Variants in NAALADL2 observed in about 807,000 individuals in gnomAD.
NAALADL2 encodes inactive N-acetylated-alpha-linked acidic dipeptidase-like protein 2.
In NAALADL2, 76 loss-of-function variants were observed where a neutral mutation model predicts 87.2. The ratio of observed to expected loss-of-function variants is 0.87; its 90% CI spans 0.72 to 1.05. The LOEUF is 1.05. NAALADL2 is among the 50% of genes least tolerant of loss of function. The pLI is 0.00. For synonymous variants in NAALADL2, 354 were observed against 331.0 expected, an observed-to-expected ratio of 1.07 and a Z score of -0.75; for missense variants, 1,089 against 945.8, an observed-to-expected ratio of 1.15 and a Z score of -1.99.
At chr3:175,442,034 C>T (rs886934217) in intron 5 of NAALADL2, among the ~76,000 whole-genome samples, 1 of 152,122 alleles carries the variant, frequency 6.6e-6, no homozygotes, top group African/African-American at 2.4e-5. Flanking sequence ...TTCCGCCTCC[C>T]AGATTCAAGC....
chr3:175,555,901 A>C (rs1291553611), intron 9 of NAALADL2, among the ~76,000 whole-genome samples: 1 of 152,142 alleles, frequency 6.6e-6, no homozygotes, highest in African/African-American at 2.4e-5. Flanking sequence ...TGAATGTTTG[A>C]GATTGGAACT....
chr3:174,821,942 A>G (rs1228062634), intron 3 of NAALADL2, among the ~76,000 whole-genome samples: 1 of 152,216 alleles, frequency 6.6e-6, no homozygotes, highest in African/African-American at 2.4e-5. Context: ...TTTTAGAAGC[A>G]CTGAAAATGA....
chr3:175,477,091 TG>T, intron 9 of NAALADL2, among the ~76,000 whole-genome samples: 1 of 152,144 alleles, frequency 6.6e-6, no homozygotes, highest in East Asian at 1.9e-4. Context: ...ATCATCTTTC[TG>T]GGGGCAAACA....
chr3:175,661,364 T>C (rs1408809597), intron 11 of NAALADL2, among the ~76,000 whole-genome samples: 1 of 152,000 alleles, frequency 6.6e-6, no homozygotes, highest in African/African-American at 2.4e-5. Flanking sequence ...TTTTTTTTTT[T>C]CCTATTGAGT....
intron 1 of NAALADL2, among the ~76,000 whole-genome samples, chr3:174,516,064 T>C (rs1369096933): frequency 6.6e-6 from 1 of 152,082 alleles, no homozygotes; most frequent in Non-Finnish European, 1.5e-5. Context: ...TTCATACTGT[T>C]GTACAACTGC....
At chr3:175,721,950 A>G (rs1481624687) in intron 11 of NAALADL2, among the ~76,000 whole-genome samples, 2 of 152,062 alleles carry the variant, frequency 1.3e-5, no homozygotes, top group African/African-American at 4.8e-5. Flanking sequence ...TACCATTTGC[A>G]TATTTTTTGT....
chr3:175,706,161 C>A (rs911948714), intron 11 of NAALADL2, among the ~76,000 whole-genome samples: 2 of 152,034 alleles, frequency 1.3e-5, no homozygotes, highest in African/African-American at 4.8e-5. Context: ...TATAGAGTTT[C>A]TTGTTCTCAA....
chr3:175,362,271 C>T (rs1360822464), intron 5 of NAALADL2, among the ~76,000 whole-genome samples: 1 of 147,904 alleles, frequency 6.8e-6, no homozygotes, highest in Non-Finnish European at 1.5e-5. Context: ...TTACTGTAGC[C>T]TTGTTGTATA....
chr3:174,983,076 G>A (rs1745337489), intron 1 of NAALADL2, among the ~76,000 whole-genome samples: 1 of 152,168 alleles, frequency 6.6e-6, no homozygotes, highest in Non-Finnish European at 1.5e-5. Context: ...GGGATTACAG[G>A]CGTGAGCCAC....
At chr3:175,360,700 A>C (rs186859707) in intron 5 of NAALADL2, among the ~76,000 whole-genome samples, 1 of 151,826 alleles carries the variant, frequency 6.6e-6, no homozygotes, top group Admixed American at 6.6e-5. Flanking sequence ...TTACAGATTC[A>C]ATCTTTTTTC....
At chr3:174,820,275 T>C (rs1247389014) in intron 3 of NAALADL2, among the ~76,000 whole-genome samples, 1 of 152,198 alleles carries the variant, frequency 6.6e-6, no homozygotes, top group African/African-American at 2.4e-5. Context: ...AATTAGTTGA[T>C]CAAAATTTAT....
intron 11 of NAALADL2, among the ~76,000 whole-genome samples, chr3:175,720,005 CT>C (rs1259169367): frequency 2.6e-5 from 4 of 152,280 alleles, no homozygotes; most frequent in Admixed American, 2.0e-4. Context: ...AAAGACCTTA[CT>C]TTCTAATATA....
At position 175,249,096 on chromosome 3, in the gene NAALADL2, G is replaced by A. The variant is rs185825019; in HGVS notation, c.820-7315G>A. On this transcript the variant is annotated intron_variant, in intron 3 of 13. Transcript: ENST00000454872. ...AGATTATTTATTTAGTTTGGAAATA[G>A]CTACTCTTGTTTATTTTTTGTGTGC... 2.5e-4 allele frequency among the ~76,000 whole-genome samples: 38 copies of A among 152,128 alleles called. No homozygotes were observed. The East Asian group carries it at 7.3e-3, about 29-fold the overall frequency.
At chr3:174,531,250 T>C (rs541417929) in intron 1 of NAALADL2, among the ~76,000 whole-genome samples, 3 of 152,178 alleles carry the variant, frequency 2.0e-5, no homozygotes, top group Admixed American at 2.0e-4. Context: ...CTTTTAGTCA[T>C]TATTTCCATG....
intron 1 of NAALADL2, among the ~76,000 whole-genome samples, chr3:174,455,146 C>T (rs1715750531): frequency 1.3e-5 from 2 of 152,048 alleles, no homozygotes; most frequent in Non-Finnish European, 1.5e-5. Flanking sequence ...TGGATAAATT[C>T]CTGGATATAC....
At chr3:174,499,421 T>C (rs1718747759) in intron 1 of NAALADL2, among the ~76,000 whole-genome samples, 3 of 152,094 alleles carry the variant, frequency 2.0e-5, no homozygotes, top group Non-Finnish European at 4.4e-5. Flanking sequence ...AAGTATTTAA[T>C]TTTGATGCAA....
chr3:175,194,684 A>C (rs1033737218), intron 2 of NAALADL2, among the ~76,000 whole-genome samples: 4 of 151,868 alleles, frequency 2.6e-5, no homozygotes, highest in African/African-American at 9.7e-5. Context: ...TTTTAAAATT[A>C]ATGGCATTAA....
intron 2 of NAALADL2, among the ~76,000 whole-genome samples, chr3:174,703,258 G>C (rs1238007028): frequency 6.6e-6 from 1 of 151,314 alleles, no homozygotes; most frequent in East Asian, 1.9e-4. Flanking sequence ...TTCCACCTCA[G>C]CCTCCTGAGT....
chr3:174,639,741 T>A (rs1327773890), intron 2 of NAALADL2, among the ~76,000 whole-genome samples: 1 of 152,262 alleles, frequency 6.6e-6, no homozygotes, highest in Non-Finnish European at 1.5e-5. Context: ...CCTTCTTGCA[T>A]ATTTTAAAAA....
Sources: allele counts gnomAD v4.1 joint callset (sites outside exome capture counted in the v4.1 genomes callset), GRCh38; gene constraint gnomAD v4.1.1; transcripts MANE v1.5; gene names NCBI Gene and HGNC (gene_info 2026-07-23, HGNC 2026-07-21).